The following PTPRM variants were observed in gnomAD, a reference collection of about 807,000 sequenced individuals.
The protein encoded by PTPRM is receptor-type tyrosine-protein phosphatase mu.
A neutral mutation model predicts 186.7 loss-of-function variants in PTPRM; 47 were observed. The ratio of observed to expected loss-of-function variants is 0.25; its 90% confidence interval spans 0.20 to 0.32. The LOEUF (loss-of-function observed/expected upper bound fraction) is 0.32, where lower values mean the gene tolerates loss of function less well. Ranked by LOEUF, PTPRM falls within the 10% of genes least tolerant of loss-of-function variation. The pLI, the probability that PTPRM is intolerant of heterozygous loss-of-function variation, is 1.00. For missense variants in PTPRM, 1,494 were observed against 1,865.0 expected, an observed-to-expected ratio of 0.80 and a Z score of 3.66; for synonymous variants, 668 against 674.9, an observed-to-expected ratio of 0.99 and a Z score of 0.16.
chr18:8,147,007 A>G (rs1050236561), intron 14 of PTPRM, among the ~76,000 whole-genome samples: 1 of 152,192 alleles, frequency 6.6e-6, no homozygotes, highest in African/African-American at 2.4e-5. Flanking sequence ...CCATTGGCCT[A>G]TATATCCGTT....
chr18:7,702,374 A>C (rs937014344), intron 1 of PTPRM, among the ~76,000 whole-genome samples: 1 of 152,128 alleles, frequency 6.6e-6, no homozygotes, highest in Non-Finnish European at 1.5e-5. Flanking sequence ...CTTTTTAATG[A>C]TAGCCATTCT....
intron 19 of PTPRM, among the ~76,000 whole-genome samples, chr18:8,277,022 C>G (rs1474323777): frequency 1.3e-5 from 2 of 151,990 alleles, no homozygotes; most frequent in African/African-American, 4.8e-5. Flanking sequence ...CTGCAACCTC[C>G]CCTGCCTGGG....
intron 1 of PTPRM, among the ~76,000 whole-genome samples, chr18:7,584,568 ATT>A (rs111705725): frequency 6.8e-6 from 1 of 147,524 alleles, no homozygotes; most frequent in South Asian, 2.1e-4. Context: ...TTGTGTTGGC[ATT>A]TTTTTTTTTC....
At chr18:7,635,132 C>A (rs1362521526) in intron 1 of PTPRM, among the ~76,000 whole-genome samples, 1 of 151,898 alleles carries the variant, frequency 6.6e-6, no homozygotes, top group Non-Finnish European at 1.5e-5. Flanking sequence ...TTGCATTGTG[C>A]CCCCCAAAAT....
intron 2 of PTPRM, among the ~76,000 whole-genome samples, chr18:7,885,969 G>T (rs144748508): frequency 2.2e-4 from 33 of 152,310 alleles, no homozygotes; most frequent in African/African-American, 7.2e-4. Context: ...CACTTATTTT[G>T]CCGTCCTGTG....
intron 2 of PTPRM, among the ~76,000 whole-genome samples, chr18:7,840,300 C>CTT (rs2046261483): frequency 6.6e-6 from 1 of 152,040 alleles, no homozygotes; most frequent in Admixed American, 6.5e-5. Flanking sequence ...TGCCCCCTGT[C>CTT]TGAGTTTTAA....
At chr18:7,755,468 A>T (rs976236222) in intron 1 of PTPRM, among the ~76,000 whole-genome samples, 5 of 152,204 alleles carry the variant, frequency 3.3e-5, no homozygotes, top group Non-Finnish European at 4.4e-5. Context: ...GCTACAGCAG[A>T]GGAGAGGGGC....
At chr18:8,361,955 C>G (rs984751510) in intron 23 of PTPRM, among the ~76,000 whole-genome samples, 6 of 152,192 alleles carry the variant, frequency 3.9e-5, no homozygotes, top group African/African-American at 1.4e-4. Flanking sequence ...GTTTCAAGAA[C>G]TTTCCCAGGT....
intron 3 of PTPRM, among the ~76,000 whole-genome samples, chr18:7,895,926 C>T (rs1261424377): frequency 2.0e-5 from 3 of 152,146 alleles, no homozygotes; most frequent in Non-Finnish European, 4.4e-5. Flanking sequence ...GTTCTTGCCA[C>T]AGTAGTCATT....
intron 1 of PTPRM, among the ~76,000 whole-genome samples, chr18:7,730,337 G>C (rs1043536158): frequency 4.6e-5 from 7 of 152,126 alleles, no homozygotes; most frequent in African/African-American, 1.7e-4. Context: ...TTAATGGCCA[G>C]TCATTTCTAT....
chr18:8,355,154 C>T (rs1005650865), intron 23 of PTPRM, among the ~76,000 whole-genome samples: 5 of 152,114 alleles, frequency 3.3e-5, no homozygotes, highest in African/African-American at 1.2e-4. Flanking sequence ...TTAAGTGTGT[C>T]CCTGTACACA....
intron 13 of PTPRM, among the ~76,000 whole-genome samples, chr18:8,118,809 A>ATATATATATAT (rs1282754601): frequency 7.4e-6 from 1 of 134,828 alleles, no homozygotes; most frequent in African/African-American, 2.8e-5. Context: ...CAAAAAAAAA[A>ATATATATATAT]AAATATATAT....
Position 8,062,275 on chromosome 18 carries a change from C to A in PTPRM, c.1133-7411C>A, listed in dbSNP as rs2088594768. Among the ~76,000 whole-genome samples, 4 of 65,494 alleles carry A rather than the reference C, an allele frequency of 6.1e-5. 1 individual carries two copies. The South Asian group carries it at 2.4e-3, about 39-fold the overall frequency. The allele number at this position is 65,494 out of a possible 152,430, so 43.0% of individuals were successfully genotyped here. On this transcript the variant is annotated intron_variant, in intron 7 of 32. Coordinates refer to ENST00000580170, the MANE Select transcript of PTPRM (RefSeq NM_001105244.2). Reference sequence around the variant, plus strand: ...CGGCTCCTGAGGCTTCTGCATTCTTCACGTAGTTCTCGAGCCTTGGTTTTC... The same window carrying A: ...CGGCTCCTGAGGCTTCTGCATTCTTAACGTAGTTCTCGAGCCTTGGTTTTC...
intron 31 of PTPRM, among the ~76,000 whole-genome samples, chr18:8,393,168 T>C (rs1164282161): frequency 6.6e-6 from 1 of 152,206 alleles, no homozygotes; most frequent in Non-Finnish European, 1.5e-5. Context: ...GACACCATCT[T>C]AACAAGTGAG....
intron 17 of PTPRM, among the ~76,000 whole-genome samples, chr18:8,249,102 A>T (rs371238749): frequency 6.6e-6 from 1 of 152,228 alleles, no homozygotes; most frequent in East Asian, 1.9e-4. Context: ...ACTTCAAGGT[A>T]TATAACAATT....
chr18:8,366,678 C>T (rs952608831), intron 23 of PTPRM, among the ~76,000 whole-genome samples: 2 of 152,220 alleles, frequency 1.3e-5, no homozygotes, highest in African/African-American at 4.8e-5. Context: ...ATAAGGATCA[C>T]CCCTTTGGAG....
At chr18:7,695,302 G>T (rs1194039595) in intron 1 of PTPRM, among the ~76,000 whole-genome samples, 2 of 150,716 alleles carry the variant, frequency 1.3e-5, no homozygotes, top group Non-Finnish European at 3.0e-5. Flanking sequence ...ATAATACTTT[G>T]CTCCTTTTGG....
chr18:7,737,063 C>G (rs1403228784), intron 1 of PTPRM, among the ~76,000 whole-genome samples: 1 of 152,212 alleles, frequency 6.6e-6, no homozygotes, highest in Non-Finnish European at 1.5e-5. Context: ...CTTGGCCTCC[C>G]AAAGTGCTGG....
chr18:7,626,752 G>A (rs1257503350), intron 1 of PTPRM, among the ~76,000 whole-genome samples: 1 of 152,130 alleles, frequency 6.6e-6, no homozygotes, highest in African/African-American at 2.4e-5. Flanking sequence ...GAGTGCAGTG[G>A]TGCAATAGCT....
Sources: allele counts gnomAD v4.1 joint callset (sites outside exome capture counted in the v4.1 genomes callset), GRCh38; gene constraint gnomAD v4.1.1; transcripts MANE v1.5; gene names NCBI Gene and HGNC (gene_info 2026-07-23, HGNC 2026-07-21).